The following FAM200B variants were observed in gnomAD, a reference collection of about 807,000 sequenced individuals.
FAM200B encodes the protein protein FAM200B.
In FAM200B, 32 loss-of-function variants were observed where a neutral mutation model predicts 33.1. The ratio of observed to expected loss-of-function variants is 0.97; its 90% CI spans 0.73 to 1.30. FAM200B has a LOEUF of 1.30. Among genes scored for constraint, FAM200B ranks in the 50% most tolerant of loss-of-function variants. FAM200B has a pLI of 0.00. For missense variants in FAM200B, 741 were observed against 754.0 expected, an observed-to-expected ratio of 0.98 and a Z score of 0.20; for synonymous variants, 240 against 264.8, an observed-to-expected ratio of 0.91 and a Z score of 0.91.
chr4:15,682,402 A>G (rs1488620968), intron 1 of FAM200B, among the ~76,000 whole-genome samples: 1 of 152,172 alleles, frequency 6.6e-6, no homozygotes, highest in Non-Finnish European at 1.5e-5. Flanking sequence ...ACTATAACAC[A>G]TGTGTACTCA....
chr4:15,681,261 C>G (rs879717423), upstream of FAM200B: 3 of 152,652 alleles, frequency 2.0e-5, no homozygotes, highest in Non-Finnish European at 4.4e-5. Flanking sequence ...AATTCTTCCA[C>G]AAAGACTATG....
the FAM200B span, among the ~76,000 whole-genome samples, chr4:15,654,735 G>C: frequency 6.6e-6 from 1 of 152,234 alleles, no homozygotes. Flanking sequence ...ATGGGTGGGT[G>C]TCTGCACGGA....
the FAM200B span, among the ~76,000 whole-genome samples, chr4:15,656,996 A>AG: frequency 1.4e-3 from 217 of 150,170 alleles, no homozygotes; most frequent in African/African-American, 4.8e-3. Context: ...GCTTATTCAC[A>AG]GTCTGTCTTA....
chr4:15,678,649 T>C (rs528620540), upstream of FAM200B, among the ~76,000 whole-genome samples: 178 of 152,344 alleles, frequency 1.2e-3, 3 homozygotes, highest in South Asian at 0.034. Flanking sequence ...AGGTAGAGCA[T>C]TAATTTAAGT....
the FAM200B span, chr4:15,641,727 T>C: frequency 2.5e-6 from 1 of 404,346 alleles, no homozygotes; most frequent in African/African-American, 2.2e-5. Context: ...GGGTCAACTG[T>C]ACCTGTTAAC....
chr4:15,643,689 G>C, the FAM200B span, among the ~76,000 whole-genome samples: 1 of 152,182 alleles, frequency 6.6e-6, no homozygotes, highest in African/African-American at 2.4e-5. Flanking sequence ...CTACAGATGT[G>C]AGCCACTGCA....
rs1719199546 is a variant in FAM200B, at chr4:15,689,395, G to A, written c.*444G>A. The A allele has an allele frequency of 1.2e-5, 2 of 167,580 alleles. No individual in the cohort carries two copies. Among genetic ancestry groups the A allele is most frequent in the Non-Finnish European group, 2.9e-5 (2 of 68,502 alleles). 10.4% of individuals were successfully genotyped at this position (167,580 alleles called of 1,614,324 possible). A position where few individuals can be genotyped will look rare whatever the true frequency, so the allele number is the denominator to read the frequency against. On this transcript the variant is annotated 3_prime_UTR_variant, in exon 2 of 2. Coordinates refer to ENST00000422728, the MANE Select transcript of FAM200B (RefSeq NM_001145191.2). ...ACTAGAGAACAGTTGAAGGGTTTAA[G>A]CGAAGGAGAGAAATGATCTGAGCTA...
the FAM200B span, among the ~76,000 whole-genome samples, chr4:15,648,359 G>A: frequency 6.6e-6 from 1 of 152,138 alleles, no homozygotes; most frequent in Non-Finnish European, 1.5e-5. Flanking sequence ...ATTTTCATAA[G>A]TTCCAGCAAT....
chr4:15,687,426 C>G lies in FAM200B; in HGVS notation c.449C>G (p.Ser150Ter), dbSNP rs1191641892. 1.3e-6 allele frequency: 2 copies of G among 1,550,086 alleles called. No individual in the cohort carries two copies. The highest frequency in any genetic ancestry group is 2.7e-5 in the African/African-American group (2 of 72,982). Residue 150 changes from serine to a stop codon, truncating the protein, a stop_gained, in exon 2 of 2, where the codon TCA becomes TGA. Coordinates refer to ENST00000422728, the MANE Select transcript of FAM200B (RefSeq NM_001145191.2). LOFTEE classifies it high-confidence loss of function. ...GTTAGTGAGAAAGCCTTATTATCAT[C>G]ATATTTAGTTGCATATCGTGTGGCA... ...TAVSEKALLS[S>*]YLVAYRVAKE...
chr4:15,666,939 G>A, the FAM200B span, among the ~76,000 whole-genome samples: 3 of 151,220 alleles, frequency 2.0e-5, no homozygotes, highest in Non-Finnish European at 2.9e-5. Flanking sequence ...ATTCCACATT[G>A]TAGACATATA....
At chr4:15,680,303 C>A (rs1231983550), upstream of FAM200B, among the ~76,000 whole-genome samples, 1 of 152,116 alleles carries the variant, frequency 6.6e-6, no homozygotes, top group Non-Finnish European at 1.5e-5. Flanking sequence ...GGAAGTGTTT[C>A]TTGCTGCATT....
At chr4:15,637,330 G>A in the FAM200B span, among the ~76,000 whole-genome samples, 1 of 152,086 alleles carries the variant, frequency 6.6e-6, no homozygotes, top group Admixed American at 6.5e-5. Flanking sequence ...AAGTACTTAT[G>A]GATGTATAAA....
At position 15,687,379 on chromosome 4, in the gene FAM200B, A is replaced by G. The variant is rs1560263790; in HGVS notation, c.402A>G (p.Gln134=). 1.9e-6 allele frequency: 3 copies of G among 1,547,016 alleles called. No individual in the cohort carries two copies. The change falls in exon 2 of 2, where the codon CAA becomes CAG. Residue 134 remains glutamine, a synonymous_variant. Coordinates refer to ENST00000422728, the MANE Select transcript of FAM200B (RefSeq NM_001145191.2). ...AAAAAGACATAAAGTTATCAACACA[A>G]TTTCTTAGTTGTTCTACTGCTGTTA... ...RKKKDIKLST[Q]FLSCSTAVSE...
the FAM200B span, among the ~76,000 whole-genome samples, chr4:15,661,064 A>G: frequency 6.6e-6 from 1 of 152,004 alleles, no homozygotes; most frequent in Non-Finnish European, 1.5e-5. Context: ...GTGACAGAGC[A>G]AGGCTCCATT....
chr4:15,654,643 T>C, the FAM200B span, among the ~76,000 whole-genome samples: 2 of 152,096 alleles, frequency 1.3e-5, no homozygotes, highest in African/African-American at 4.8e-5. Context: ...ATCAAACCAG[T>C]GAAGAAAGCC....
chr4:15,688,159 A>T lies in FAM200B; in HGVS notation c.1182A>T (p.Ile394=). The change falls in exon 2 of 2, where the codon ATA becomes ATT. Residue 394 remains isoleucine, a synonymous_variant. Transcript: ENST00000422728. ...TTCGTTGGTTGTCTCAAGGGAAAAT[A>T]CTAAGCAGGGTTTATGAGCTCAGGA... ...TKIRWLSQGK[I]LSRVYELRNE... 6.4e-7 allele frequency: 1 copy of T among 1,551,300 alleles called. No individual in the cohort carries two copies. The highest frequency in any genetic ancestry group is 8.7e-7 in the Non-Finnish European group (1 of 1,146,706).
chr4:15,674,244 T>C, the FAM200B span, among the ~76,000 whole-genome samples: 1 of 151,376 alleles, frequency 6.6e-6, no homozygotes, highest in Non-Finnish European at 1.5e-5. Flanking sequence ...TATGTCATAA[T>C]GATGTATCAT....
chr4:15,669,209 A>C, the FAM200B span, among the ~76,000 whole-genome samples: 1 of 152,214 alleles, frequency 6.6e-6, no homozygotes, highest in Non-Finnish European at 1.5e-5. Context: ...ACCCAGATAC[A>C]AACTACATAC....
the FAM200B span, among the ~76,000 whole-genome samples, chr4:15,670,461 T>C: frequency 4.6e-5 from 7 of 152,242 alleles, no homozygotes; most frequent in African/African-American, 7.2e-5. Flanking sequence ...CCATCATATC[T>C]TTTTTCATCC....
Sources: gnomAD v4.1 joint callset for allele counts (sites outside exome capture counted in the v4.1 genomes callset) on GRCh38, gnomAD v4.1.1 for gene constraint, MANE v1.5 for transcripts, NCBI Gene and HGNC (gene_info 2026-07-23, HGNC 2026-07-21) for gene names.